CDH17: variants seen among roughly 807,000 people sequenced by gnomAD.
The protein encoded by CDH17 is cadherin 17.
CDH17 carries 67 observed loss-of-function variants against 86.3 expected under a neutral mutation model. The ratio of observed to expected loss-of-function variants is 0.78; its 90% CI spans 0.64 to 0.95. The LOEUF (loss-of-function observed/expected upper bound fraction) is 0.95, where lower values mean the gene tolerates loss of function less well. Among genes scored for constraint, CDH17 ranks in the 40% least tolerant of loss-of-function variants. CDH17 has a pLI of 0.00. For synonymous variants in CDH17, 367 were observed against 366.4 expected (o/e 1.00, Z -0.02); for missense variants, 993 against 1,017.6 (o/e 0.98, Z 0.33).
chr8:94,168,771 T>C (rs1221246019), intron 9 of CDH17, among the ~76,000 whole-genome samples: 1 of 152,116 alleles, frequency 6.6e-6, no homozygotes, highest in Non-Finnish European at 1.5e-5. Flanking sequence ...GAAAAGAGCT[T>C]CCAGCAACCC....
upstream of CDH17, among the ~76,000 whole-genome samples, chr8:94,210,635 T>C (rs996976847): frequency 3.3e-5 from 5 of 152,188 alleles, no homozygotes; most frequent in Non-Finnish European, 7.3e-5. Context: ...GCTGGTTCAA[T>C]AGACTTGCTA....
intron 15 of CDH17, among the ~76,000 whole-genome samples, chr8:94,145,381 C>G (rs1326726466): frequency 6.6e-6 from 1 of 152,080 alleles, no homozygotes; most frequent in Non-Finnish European, 1.5e-5. Context: ...AAAAAATATA[C>G]ATACTATACT....
chr8:94,173,044 C>A, intron 7 of CDH17, among the ~76,000 whole-genome samples: 1 of 152,184 alleles, frequency 6.6e-6, no homozygotes, highest in South Asian at 2.1e-4. Flanking sequence ...CCAAATCAAA[C>A]CATGTCCATA....
intron 15 of CDH17, among the ~76,000 whole-genome samples, chr8:94,141,109 T>A (rs1812628712): frequency 6.6e-6 from 1 of 152,112 alleles, no homozygotes; most frequent in African/African-American, 2.4e-5. Flanking sequence ...AACATGGTAA[T>A]ATTTCATCAC....
intron 3 of CDH17, among the ~76,000 whole-genome samples, chr8:94,181,229 C>G (rs1183874754): frequency 6.6e-6 from 1 of 151,954 alleles, no homozygotes; most frequent in African/African-American, 2.4e-5. Context: ...TTAAATAATT[C>G]AACAGTAATA....
At chr8:94,141,603 T>C (rs1349656862) in intron 15 of CDH17, among the ~76,000 whole-genome samples, 1 of 152,170 alleles carries the variant, frequency 6.6e-6, no homozygotes, top group Non-Finnish European at 1.5e-5. Flanking sequence ...CAGAAATCAT[T>C]ATATTCCTAT....
chr8:94,170,354 A>G (rs1813242658), intron 9 of CDH17, 43 bp downstream of exon 9: 2 of 1,596,854 alleles, frequency 1.3e-6, no homozygotes, highest in Non-Finnish European at 8.5e-7. Flanking sequence ...GAGGAGAGAA[A>G]TGGAGGGCAG....
At position 94,128,195 on chromosome 8, in the gene CDH17, C is replaced by T; in HGVS notation, c.*45G>A. On this transcript the variant is annotated 3_prime_UTR_variant, in exon 18 of 18. Coordinates refer to ENST00000027335, the MANE Select transcript of CDH17 (RefSeq NM_004063.4). ...AAGTAATAGGATGAGATGGTTGTTG[C>T]TGAAATAGCACTTGCTATATAAATT... 2 of 1,223,532 alleles carry T rather than the reference C, an allele frequency of 1.6e-6. No individual in the cohort carries two copies. The highest frequency in any genetic ancestry group is 2.4e-6 in the Non-Finnish European group (2 of 828,072). The allele number at this position is 1,223,532 out of a possible 1,614,324, so 75.8% of individuals were successfully genotyped here.
chr8:94,180,077 A>G (rs960784635), intron 3 of CDH17, among the ~76,000 whole-genome samples: 2 of 152,150 alleles, frequency 1.3e-5, no homozygotes, highest in Admixed American at 1.3e-4. Flanking sequence ...ATGCCTCATC[A>G]GATATAGAAT....
chr8:94,181,611 A>G (rs1232082613), intron 3 of CDH17, among the ~76,000 whole-genome samples: 1 of 152,092 alleles, frequency 6.6e-6, no homozygotes, highest in African/African-American at 2.4e-5. Flanking sequence ...ACAGCATGCC[A>G]AATCTTATGG....
chr8:94,173,958 T>C lies in CDH17; in HGVS notation c.622A>G (p.Asn208Asp), dbSNP rs371527416. 2 of 1,613,702 alleles carry C rather than the reference T, an allele frequency of 1.2e-6. No homozygotes were observed. The highest frequency in any genetic ancestry group is 2.7e-5 in the African/African-American group (2 of 74,896). ...ATGTCCTTCACTGAGATCACCAGAT[T>C]ATAGGAAGGATTCTTAGCAGGATTC... ...ELNPAKNPSY[N>D]LVISVKDMGG... The change falls in exon 7 of 18, where the codon AAT (asparagine) becomes GAT (aspartate). Residue 208 changes from asparagine (N) to aspartate (D), a missense_variant. Asn to Asp is a conservative substitution (Grantham distance 23, BLOSUM62 1). Transcript: ENST00000027335.
intron 3 of CDH17, among the ~76,000 whole-genome samples, chr8:94,186,276 C>T (rs546181210): frequency 1.3e-5 from 2 of 152,300 alleles, no homozygotes; most frequent in African/African-American, 4.8e-5. Context: ...CACTCAGTGA[C>T]ACCACTAACT....
intron 12 of CDH17, among the ~76,000 whole-genome samples, chr8:94,159,483 A>T (rs1049564969): frequency 6.6e-6 from 1 of 152,180 alleles, no homozygotes; most frequent in Admixed American, 6.5e-5. Context: ...TAAAAGGCCC[A>T]TGGGGTCATC....
intron 1 of CDH17, chr8:94,202,062 AT>A: frequency 6.1e-6 from 1 of 163,212 alleles, no homozygotes; most frequent in Non-Finnish European, 1.3e-5. Flanking sequence ...GTAGTCTTAC[AT>A]TTCTCTTTTT....
rs775957235 is a variant in CDH17, at chr8:94,171,004, G to A, written c.784-19C>T. 6.2e-7 allele frequency: 1 copy of A among 1,610,268 alleles called. No homozygotes were observed. Among genetic ancestry groups the A allele is most frequent in the Admixed American group, 1.7e-5 (1 of 59,414 alleles). On this transcript the variant is annotated intron_variant, in intron 7 of 17. Transcript: ENST00000027335. ...ACCGCACCTACAGGGCCCAAAGTCAGTTGTGAGGAAAGCTGTATTTGGACT... is the reference window on the plus strand; with the variant it reads ...ACCGCACCTACAGGGCCCAAAGTCAATTGTGAGGAAAGCTGTATTTGGACT...
chr8:94,199,084 T>TATATATATATA (rs1491389929), intron 1 of CDH17, among the ~76,000 whole-genome samples: 12 of 12,004 alleles, frequency 1.0e-3, no homozygotes, highest in African/African-American at 2.1e-3. Flanking sequence ...TATATATATA[T>TATATATATATA]TTTTTTTTTT....
Position 94,176,666 on chromosome 8 carries a change from T to C in CDH17, c.299A>G (p.Asp100Gly), listed in dbSNP as rs1426501080. ...STHNLQVAAL[D>G]ANGIIVEGPV... ...ACCCTCCACTATAATTCCATTAGCG[T>C]CCAGGGCTGCAACCTGATGTTGAGG... Residue 100 changes from aspartate to glycine, a missense_variant, in exon 5 of 18, where the codon GAC becomes GGC. By Grantham distance (94) the Asp-to-Gly change is moderately conservative. Transcript: ENST00000027335. The C allele has an allele frequency of 1.2e-6, 2 of 1,612,844 alleles. No individual in the cohort carries two copies. The highest frequency in any genetic ancestry group is 2.2e-5 in the East Asian group (1 of 44,808).
At chr8:94,161,231 G>T (rs1380370528) in intron 11 of CDH17, among the ~76,000 whole-genome samples, 1 of 152,136 alleles carries the variant, frequency 6.6e-6, no homozygotes, top group Non-Finnish European at 1.5e-5. Flanking sequence ...AGAAGAAATG[G>T]GTTATTTGAT....
intron 12 of CDH17, among the ~76,000 whole-genome samples, chr8:94,155,995 C>G (rs893930777): frequency 3.3e-5 from 5 of 152,204 alleles, no homozygotes; most frequent in African/African-American, 1.2e-4. Context: ...CAAGAACAAG[C>G]CTTGTCCGGC....
Sources: gnomAD v4.1 joint callset for allele counts (sites outside exome capture counted in the v4.1 genomes callset) on GRCh38, gnomAD v4.1.1 for gene constraint, MANE v1.5 for transcripts, NCBI Gene and HGNC (gene_info 2026-07-23, HGNC 2026-07-21) for gene names.